Variants in FAM135A observed in about 807,000 individuals in gnomAD.
FAM135A encodes protein FAM135A.
A neutral mutation model predicts 146.8 loss-of-function variants in FAM135A; 79 were observed. The observed-to-expected ratio is 0.54, with a 90% CI of 0.45 to 0.65. The LOEUF (loss-of-function observed/expected upper bound fraction) is 0.65, where lower values mean the gene tolerates loss of function less well. Ranked by LOEUF, FAM135A falls within the 30% of genes least tolerant of loss-of-function variation. The probability of loss-of-function intolerance (pLI) is 0.00; values close to 1 mark genes in which losing one functional copy is unlikely to be tolerated. For synonymous variants in FAM135A, 562 were observed against 603.6 expected (o/e 0.93, Z 1.01); for missense variants, 1,623 against 1,758.2 (o/e 0.92, Z 1.38).
intron 5 of FAM135A, among the ~76,000 whole-genome samples, chr6:70,461,248 C>A (rs888344243): frequency 3.9e-5 from 6 of 152,170 alleles, no homozygotes; most frequent in Non-Finnish European, 8.8e-5. Context: ...TGGGAAAACT[C>A]ACTTAACCTC....
At position 70,553,910 on chromosome 6, in the gene FAM135A, G is replaced by T. The variant is rs899385768; in HGVS notation, c.4229-2840G>T. Among the ~76,000 whole-genome samples the T allele has an allele frequency of 2.5e-4, 38 of 152,094 alleles. 1 individual carries two copies. The highest frequency in any genetic ancestry group is 1.2e-4 in the Non-Finnish European group (8 of 68,030). On this transcript the variant is annotated intron_variant, in intron 20 of 21. Coordinates refer to ENST00000418814, the MANE Select transcript of FAM135A (RefSeq NM_001162529.3). ...ACTTGATGTTGTAGTATATATGAGG[G>T]AATTAATAATTAAAGGTGGCCAATA... is the stretch of plus-strand genomic sequence containing the variant.
At chr6:70,501,504 G>A (rs1242757714) in intron 11 of FAM135A, among the ~76,000 whole-genome samples, 1 of 152,150 alleles carries the variant, frequency 6.6e-6, no homozygotes, top group East Asian at 1.9e-4. Context: ...GGAGTGAACG[G>A]TTCTGTCTCG....
chr6:70,454,760 G>T (rs1224187867), intron 5 of FAM135A, among the ~76,000 whole-genome samples: 1 of 152,018 alleles, frequency 6.6e-6, no homozygotes, highest in Non-Finnish European at 1.5e-5. Context: ...CTGTTCCATT[G>T]GTCTATCTCT....
At position 70,524,457 on chromosome 6, in the gene FAM135A, A is replaced by C. The variant is rs1794272471; in HGVS notation, c.1373A>C (p.Lys458Thr). The change falls in exon 15 of 22, where the codon AAA becomes ACA. Residue 458 changes from lysine to threonine, a missense_variant. Lys to Thr is a moderately conservative substitution (Grantham distance 78). Coordinates refer to ENST00000418814, the MANE Select transcript of FAM135A (RefSeq NM_001162529.3). The stretch of plus-strand genomic sequence containing the variant: ...GCAGGACTTTCTAGCCCAGAGTTGA[A>C]AGTCAGACCTGCTGGTGCCTCCAGT... ...SVAGLSSPEL[K>T]VRPAGASSIW... 6.5e-7 allele frequency: 1 copy of C among 1,550,200 alleles called. No individual in the cohort carries two copies. The highest frequency in any genetic ancestry group is 8.7e-7 in the Non-Finnish European group (1 of 1,146,536).
chr6:70,540,599 A>G (rs2128443166), intron 20 of FAM135A, among the ~76,000 whole-genome samples: 1 of 152,196 alleles, frequency 6.6e-6, no homozygotes, highest in Non-Finnish European at 1.5e-5. Context: ...TGCTGGGATT[A>G]CAGGCGTGAG....
At chr6:70,455,312 T>C (rs538725836) in intron 5 of FAM135A, among the ~76,000 whole-genome samples, 34 of 152,244 alleles carry the variant, frequency 2.2e-4, no homozygotes, top group Admixed American at 5.2e-4. Context: ...TAATGAATTA[T>C]ACATAGTGTA....
chr6:70,452,992 A>T (rs969928717), intron 5 of FAM135A, among the ~76,000 whole-genome samples: 16 of 152,122 alleles, frequency 1.1e-4, no homozygotes, highest in African/African-American at 3.6e-4. Context: ...TATTTATGAA[A>T]CAGAGCCAAA....
intron 12 of FAM135A, among the ~76,000 whole-genome samples, chr6:70,510,727 A>G (rs555680204): frequency 6.6e-6 from 1 of 152,174 alleles, no homozygotes; most frequent in East Asian, 1.9e-4. Context: ...TGGTATGAAA[A>G]TTTGTGTACA....
Position 70,538,385 on chromosome 6 carries a change from G to A in FAM135A, c.4212G>A (p.Lys1404=). 1 of 1,488,656 alleles carries A rather than the reference G, an allele frequency of 6.7e-7. No individual in the cohort carries two copies. 92.2% of individuals were successfully genotyped at this position (1,488,656 alleles called of 1,614,324 possible). Residue 1404 remains lysine (K), a synonymous_variant, in exon 20 of 22, where the codon AAG becomes AAA. Transcript: ENST00000418814. ...ACCCTCGCCAAACTTTTTTATATAA[G>A]CTTAGTAACAAAGCAGGTAAGTATA... ...HSDPRQTFLY[K]LSNKAGLHYF...
chr6:70,506,877 T>A (rs960686120), intron 12 of FAM135A, among the ~76,000 whole-genome samples: 1 of 151,912 alleles, frequency 6.6e-6, no homozygotes, highest in Non-Finnish European at 1.5e-5. Flanking sequence ...ATGGAAGTTC[T>A]GGGAAGAGAA....
rs762402721 is a variant in FAM135A at position 70,526,214 on chromosome 6, G to T, written c.3130G>T (p.Gly1044Cys). 6.2e-7 allele frequency: 1 copy of T among 1,613,260 alleles called. No individual in the cohort carries two copies. The highest frequency in any genetic ancestry group is 2.2e-5 in the East Asian group (1 of 44,866). Reference protein sequence around the residue: ...VKQGLVENYFGSQSSTDISDT... With the variant: ...VKQGLVENYFCSQSSTDISDT... ...GCAAGGGCTTGTGGAAAATTATTTT[G>T]GTTCTCAAAGCAGTACGGATATTTC... The change falls in exon 15 of 22, where the codon GGT (glycine) becomes TGT (cysteine). Residue 1044 changes from glycine to cysteine, a missense_variant. Physicochemically the swap from Gly to Cys is radical, Grantham distance 159. This residue lies in a region of FAM135A where 1,061 missense variants were observed against 1,113.8 expected (regional missense o/e 0.95). Coordinates refer to ENST00000418814, the MANE Select transcript of FAM135A (RefSeq NM_001162529.3).
chr6:70,435,105 ATATATT>A (rs528227428), intron 4 of FAM135A, among the ~76,000 whole-genome samples: 22,166 of 82,212 alleles, frequency 0.27, 2,184 homozygotes, highest in East Asian at 0.49. Context: ...ATATATATAT[ATATATT>A]TTTTTTTTTT....
intron 5 of FAM135A, among the ~76,000 whole-genome samples, chr6:70,458,641 C>T (rs1778832038): frequency 6.6e-6 from 1 of 152,074 alleles, no homozygotes; most frequent in Admixed American, 6.6e-5. Flanking sequence ...TGCCAGTTTA[C>T]CCCAGAATAG....
intron 21 of FAM135A, among the ~76,000 whole-genome samples, chr6:70,558,449 T>A (rs1207341694): frequency 1.3e-5 from 2 of 152,264 alleles, no homozygotes. Context: ...TATACATTTA[T>A]GTGGATGTAT....
chr6:70,535,591 C>T (rs1796636151), intron 18 of FAM135A, among the ~76,000 whole-genome samples: 1 of 152,194 alleles, frequency 6.6e-6, no homozygotes, highest in African/African-American at 2.4e-5. Context: ...ATCCCAAAAG[C>T]ATCCCCACAA....
At chr6:70,439,909 A>G (rs1211727445) in intron 4 of FAM135A, among the ~76,000 whole-genome samples, 1 of 152,190 alleles carries the variant, frequency 6.6e-6, no homozygotes, top group African/African-American at 2.4e-5. Context: ...CTGTTTTTTC[A>G]GTATGTATCT....
intron 12 of FAM135A, among the ~76,000 whole-genome samples, chr6:70,506,369 T>C (rs1283262453): frequency 6.6e-6 from 1 of 152,156 alleles, no homozygotes; most frequent in Non-Finnish European, 1.5e-5. Flanking sequence ...ATCAACTTTT[T>C]CTGTTAAGGA....
intron 1 of FAM135A, 171 bp downstream of exon 1, chr6:70,413,873 T>A (rs1032490802): frequency 1.0e-6 from 1 of 985,204 alleles, no homozygotes; most frequent in African/African-American, 1.7e-5. Context: ...CCCGGCCCCG[T>A]TGAAGGTCGG....
Position 70,524,531 on chromosome 6 carries a change from A to G in FAM135A, c.1447A>G (p.Lys483Glu). The G allele has an allele frequency of 6.4e-7, 1 of 1,550,804 alleles. No homozygotes were observed. Reference sequence around the variant, plus strand: ...GCAGCTAACAAAATCTCTAAAAGGAAAGAATGAAGAATCAAATAAATCCAA... The same window carrying G: ...GCAGCTAACAAAATCTCTAAAAGGAGAGAATGAAGAATCAAATAAATCCAA... Reference protein sequence around the residue: ...EKQLTKSLKGKNEESNKSKVK... With the variant: ...EKQLTKSLKGENEESNKSKVK... Residue 483 changes from lysine to glutamate, a missense_variant, in exon 15 of 22, where the codon AAG (lysine) becomes GAG (glutamate). Around this residue, in one of 7 missense-constraint regions of FAM135A, gnomAD observed 1,061 missense variants for 1,113.8 expected, o/e 0.95. Coordinates refer to ENST00000418814, the MANE Select transcript of FAM135A (RefSeq NM_001162529.3).
Sources: gnomAD v4.1 joint callset for allele counts (sites outside exome capture counted in the v4.1 genomes callset) on GRCh38, gnomAD v4.1.1 for gene constraint, gnomAD v4.1.1 regional missense constraint, MANE v1.5 for transcripts, NCBI Gene and HGNC (gene_info 2026-07-23, HGNC 2026-07-21) for gene names.